MGAT5: variants seen among roughly 807,000 people sequenced by gnomAD.
The protein encoded by MGAT5 is alpha-1,6-mannosylglycoprotein 6-beta-N-acetylglucosaminyltransferase A.
A neutral mutation model predicts 94.3 loss-of-function variants in MGAT5; 30 were observed. The observed-to-expected ratio is 0.32, with a 90% CI of 0.24 to 0.43. The LOEUF is 0.43. Ranked by LOEUF, MGAT5 falls within the 20% of genes least tolerant of loss-of-function variation. The pLI is 1.00. For missense variants in MGAT5, 691 were observed against 905.5 expected (o/e 0.76, Z 3.04); for synonymous variants, 310 against 322.9 (o/e 0.96, Z 0.43).
chr2:134,423,501 C>G (rs1684413959), intron 13 of MGAT5, among the ~76,000 whole-genome samples: 1 of 152,172 alleles, frequency 6.6e-6, no homozygotes, highest in African/African-American at 2.4e-5. Context: ...GGCTTCCCAC[C>G]TATCAGAAGT....
intron 1 of MGAT5, among the ~76,000 whole-genome samples, chr2:134,151,030 C>T (rs550767248): frequency 7.1e-4 from 108 of 152,238 alleles, no homozygotes; most frequent in African/African-American, 2.4e-3. Flanking sequence ...ATTCCCCTTG[C>T]CTCTAGGCCT....
At chr2:134,290,438 C>G (rs1573716303) in intron 2 of MGAT5, among the ~76,000 whole-genome samples, 1 of 152,210 alleles carries the variant, frequency 6.6e-6, no homozygotes, top group African/African-American at 2.4e-5. Flanking sequence ...CATCCTCTTC[C>G]TTTCTTACAC....
At chr2:134,445,677 T>G (rs1203310450) in intron 15 of MGAT5, among the ~76,000 whole-genome samples, 1 of 152,150 alleles carries the variant, frequency 6.6e-6, no homozygotes, top group African/African-American at 2.4e-5. Context: ...CCAGAAACTT[T>G]AACTACCATC....
chr2:134,241,863 A>G (rs1681990615), intron 1 of MGAT5, among the ~76,000 whole-genome samples: 1 of 152,232 alleles, frequency 6.6e-6, no homozygotes, highest in African/African-American at 2.4e-5. Flanking sequence ...TGGATTGTGT[A>G]TCCCTTAAGT....
At position 134,447,929 on chromosome 2, in the gene MGAT5, C is replaced by T. The variant is rs188528844; in HGVS notation, c.2028-720C>T. Reference sequence around the variant, plus strand: ...CATCCTGAAGCCTCAGTTCACCTTCCTCTAACTGGGGTTACCATTGCCATG... The same window carrying T: ...CATCCTGAAGCCTCAGTTCACCTTCTTCTAACTGGGGTTACCATTGCCATG... On this transcript the variant is annotated intron_variant, in intron 15 of 15. Coordinates refer to ENST00000281923, the MANE Select transcript of MGAT5 (RefSeq NM_002410.5). Among the ~76,000 whole-genome samples the T allele has an allele frequency of 3.7e-4, 56 of 152,332 alleles. 1 individual carries two copies. The highest frequency in any genetic ancestry group is 1.2e-3 in the African/African-American group (50 of 41,578).
At chr2:134,443,587 G>A (rs542553357) in intron 15 of MGAT5, among the ~76,000 whole-genome samples, 1 of 152,194 alleles carries the variant, frequency 6.6e-6, no homozygotes, top group Non-Finnish European at 1.5e-5. Context: ...TAGGTCAAAA[G>A]TGGGGGCTTG....
intron 1 of MGAT5, among the ~76,000 whole-genome samples, chr2:134,147,854 G>A (rs772421563): frequency 3.3e-5 from 5 of 152,148 alleles, no homozygotes; most frequent in Non-Finnish European, 5.9e-5. Flanking sequence ...CTGAAATTTG[G>A]CATTTTCTTC....
At chr2:134,387,332 A>ATATATATATATATTT in intron 10 of MGAT5, among the ~76,000 whole-genome samples, 5 of 24,258 alleles carry the variant, frequency 2.1e-4, no homozygotes, top group Non-Finnish European at 3.2e-4. Context: ...ATATATATAT[A>ATATATATATATATTT]TTTTTTTTTT....
At chr2:134,321,504 G>C (rs972580790) in intron 4 of MGAT5, among the ~76,000 whole-genome samples, 1 of 152,146 alleles carries the variant, frequency 6.6e-6, no homozygotes, top group African/African-American at 2.4e-5. Flanking sequence ...GAAGTATATG[G>C]CTAAGCTGAG....
intron 14 of MGAT5, among the ~76,000 whole-genome samples, chr2:134,441,308 A>G (rs1275148901): frequency 6.6e-6 from 1 of 152,222 alleles, no homozygotes; most frequent in Non-Finnish European, 1.5e-5. Context: ...GTAACTGCCA[A>G]GATAGGGTAG....
intron 1 of MGAT5, among the ~76,000 whole-genome samples, chr2:134,193,885 T>G (rs1374565474): frequency 6.6e-6 from 1 of 152,192 alleles, no homozygotes; most frequent in African/African-American, 2.4e-5. Context: ...ATTTATGTCC[T>G]TGTACTTTTG....
rs568715655 is a variant in MGAT5, at chr2:134,441,974, G to A, written c.2027+59G>A. 311 of 1,578,518 alleles carry A rather than the reference G, an allele frequency of 2.0e-4. 5 individuals are homozygous for A. The South Asian group carries it at 3.3e-3, about 17-fold the overall frequency. ...CCCTAGACTCCAGCTGGCCTTGTTGGGTAGTCAGGTGAGAGGTACAGGTTT... is the reference window on the plus strand; with the variant it reads ...CCCTAGACTCCAGCTGGCCTTGTTGAGTAGTCAGGTGAGAGGTACAGGTTT... On this transcript the variant is annotated intron_variant, in intron 15 of 15. Transcript: ENST00000281923.
At chr2:134,378,617 CTTT>C (rs70973450) in intron 10 of MGAT5, among the ~76,000 whole-genome samples, 1 of 139,852 alleles carries the variant, frequency 7.2e-6, no homozygotes. Context: ...ATCTGGATTA[CTTT>C]TTTTTTTTTT....
At chr2:134,144,846 G>A (rs1416426599) in intron 1 of MGAT5, among the ~76,000 whole-genome samples, 1 of 152,142 alleles carries the variant, frequency 6.6e-6, no homozygotes, top group Non-Finnish European at 1.5e-5. Flanking sequence ...ATGATGTCAT[G>A]ATGTGGGAAA....
intron 1 of MGAT5, among the ~76,000 whole-genome samples, chr2:134,134,059 G>A (rs1206797278): frequency 1.3e-5 from 2 of 152,148 alleles, no homozygotes; most frequent in African/African-American, 4.8e-5. Flanking sequence ...GATGCAAATG[G>A]CCACTATCTA....
Position 134,441,818 on chromosome 2 carries a change from G to T in MGAT5, c.1930G>T (p.Glu644Ter). 6.2e-7 allele frequency: 1 copy of T among 1,614,118 alleles called. No homozygotes were observed. The highest frequency in any genetic ancestry group is 1.3e-5 in the African/African-American group (1 of 75,028). ...CAGCGCCCTACAGGTCAAGCTTGCT[G>T]AGCCCGGGCAGTCCTGCAAGCAGGT... ...PLSALQVKLA[E>*]PGQSCKQVCQ... The change falls in exon 15 of 16, where the codon GAG becomes TAG. Residue 644 changes from glutamate (E) to a stop codon, truncating the protein, a stop_gained. Coordinates refer to ENST00000281923, the MANE Select transcript of MGAT5 (RefSeq NM_002410.5). LOFTEE classifies it high-confidence loss of function.
intron 1 of MGAT5, among the ~76,000 whole-genome samples, chr2:134,183,465 C>T (rs181426842): frequency 4.7e-4 from 72 of 152,304 alleles, no homozygotes; most frequent in African/African-American, 1.6e-3. Flanking sequence ...AGAAACTTAT[C>T]ATTGGATTTG....
chr2:134,194,817 G>A (rs1218229882), intron 1 of MGAT5, among the ~76,000 whole-genome samples: 1 of 152,188 alleles, frequency 6.6e-6, no homozygotes, highest in Non-Finnish European at 1.5e-5. Flanking sequence ...GGCCCTGGTG[G>A]AATATCTTCC....
chr2:134,319,126 A>T, intron 4 of MGAT5, among the ~76,000 whole-genome samples: 1 of 152,166 alleles, frequency 6.6e-6, no homozygotes, highest in East Asian at 1.9e-4. Context: ...TAGACTCATT[A>T]AACACTAACT....
Sources: gnomAD v4.1 joint callset for allele counts (sites outside exome capture counted in the v4.1 genomes callset) on GRCh38, gnomAD v4.1.1 for gene constraint, MANE v1.5 for transcripts, NCBI Gene and HGNC (gene_info 2026-07-23, HGNC 2026-07-21) for gene names.